The following OSBPL5 variants were observed in gnomAD, a reference collection of about 807,000 sequenced individuals.
OSBPL5 encodes the protein oxysterol-binding protein-related protein 5.
Under a neutral mutation model 111.2 loss-of-function variants are expected in OSBPL5, and 71 were observed. That is an observed-to-expected ratio of 0.64 (90% CI 0.53 to 0.78). OSBPL5 has a LOEUF of 0.78. Ranked by LOEUF, OSBPL5 falls within the 30% of genes least tolerant of loss-of-function variation. The probability of loss-of-function intolerance (pLI) is 0.00; values close to 1 mark genes in which losing one functional copy is unlikely to be tolerated. For synonymous variants in OSBPL5, 549 were observed against 513.9 expected (o/e 1.07, Z -0.93); for missense variants, 1,210 against 1,189.3 (o/e 1.02, Z -0.26).
At chr11:3,136,578 G>A (rs1364353806) in intron 1 of OSBPL5, among the ~76,000 whole-genome samples, 1 of 152,260 alleles carries the variant, frequency 6.6e-6, no homozygotes, top group African/African-American at 2.4e-5. Flanking sequence ...CATGACTCCA[G>A]TGGTTGTGTG....
chr11:3,102,427 A>T (rs1436159409), intron 11 of OSBPL5, 146 bp from the exon 12 acceptor site: 7 of 701,468 alleles, frequency 1.0e-5, no homozygotes, highest in Non-Finnish European at 1.8e-5. Flanking sequence ...TGGGAACAAC[A>T]CCTCACTTCT....
intron 1 of OSBPL5, among the ~76,000 whole-genome samples, chr11:3,134,518 C>G (rs1845898200): frequency 6.6e-6 from 1 of 152,244 alleles, no homozygotes; most frequent in South Asian, 2.1e-4. Context: ...CCCCCAGCCC[C>G]TCCTCCTGCT....
intron 1 of OSBPL5, among the ~76,000 whole-genome samples, chr11:3,147,576 C>T (rs1027580728): frequency 6.6e-6 from 1 of 152,258 alleles, no homozygotes; most frequent in East Asian, 1.9e-4. Flanking sequence ...CGTTTGTGAA[C>T]TCGAATCGAG....
intron 7 of OSBPL5, among the ~76,000 whole-genome samples, chr11:3,111,222 A>G (rs1037548370): frequency 1.5e-5 from 2 of 130,576 alleles, no homozygotes; most frequent in Admixed American, 9.5e-5. Flanking sequence ...ATTTTGTTTT[A>G]CAACTTCTCT....
Position 3,103,802 on chromosome 11 carries a change from AGCCCTC to A in OSBPL5, c.1244+385_1244+390del, listed in dbSNP as rs1857573312. Reference sequence around the variant, plus strand: ...CTCTGCAGTCCCTTCCTGCCTCTGCAGCCCTCTTCCTGCCTGCGCAGCCCCCTTCCA... The same window carrying A: ...CTCTGCAGTCCCTTCCTGCCTCTGCATTCCTGCCTGCGCAGCCCCCTTCCA... On this transcript the variant is annotated intron_variant, in intron 10 of 21. Coordinates refer to ENST00000263650, the MANE Select transcript of OSBPL5 (RefSeq NM_020896.4). Among the ~76,000 whole-genome samples, 3 of 40,710 alleles carry A rather than the reference AGCCCTC, an allele frequency of 7.4e-5. 1 individual carries two copies. Among genetic ancestry groups the A allele is most frequent in the Non-Finnish European group, 1.3e-4 (2 of 15,238 alleles). The allele number at this position is 40,710 out of a possible 152,430, so 26.7% of individuals were successfully genotyped here. A position where few individuals can be genotyped will look rare whatever the true frequency, so the allele number is the denominator to read the frequency against.
intron 1 of OSBPL5, among the ~76,000 whole-genome samples, chr11:3,149,098 C>A (rs550113092): frequency 6.6e-6 from 1 of 152,348 alleles, no homozygotes; most frequent in African/African-American, 2.4e-5. Flanking sequence ...GCCAAAGCCA[C>A]CTCCAGGCCA....
At chr11:3,153,052 G>C (rs1846640896) in intron 1 of OSBPL5, among the ~76,000 whole-genome samples, 1 of 152,050 alleles carries the variant, frequency 6.6e-6, no homozygotes. Context: ...AGTACAGGGA[G>C]AAACAGCCCA....
Position 3,093,782 on chromosome 11 carries a change from C to G in OSBPL5, c.1773G>C (p.Ser591=). ...TGAGGCTCGCCAGGACTTCCTCTCC[C>G]GACGTGATCTTTCCCGAGATCTGGT... The part of the protein sequence containing the change: ...SINQISGKIT[S]GEEVLASLSG... Residue 591 remains serine, a synonymous_variant, in exon 16 of 22, where the codon TCG becomes TCC. Coordinates refer to ENST00000263650, the MANE Select transcript of OSBPL5 (RefSeq NM_020896.4). The G allele has an allele frequency of 6.2e-7, 1 of 1,613,228 alleles. No homozygotes were observed. Among genetic ancestry groups the G allele is most frequent in the Non-Finnish European group, 8.5e-7 (1 of 1,180,012 alleles).
intron 7 of OSBPL5, among the ~76,000 whole-genome samples, chr11:3,114,759 TG>T (rs1858152152): frequency 6.6e-6 from 1 of 151,632 alleles, no homozygotes; most frequent in Non-Finnish European, 1.5e-5. Flanking sequence ...CCACCACGCC[TG>T]GCTAATTTTT....
rs1170453586 is a variant in OSBPL5, at chr11:3,111,972, T to TGC, written c.692-4028_692-4027insGC. On this transcript the variant is annotated intron_variant, in intron 7 of 21. Transcript: ENST00000263650. ...TCCAAGCTGTGTGTGTGTGTGTGCA[T>TGC]ATGTGTGCGCGCATGTGTGTGCATG... 9.5e-4 allele frequency among the ~76,000 whole-genome samples: 114 copies of TGC among 119,490 alleles called. 1 individual carries two copies. Among genetic ancestry groups the TGC allele is most frequent in the African/African-American group, 3.0e-3 (105 of 34,450 alleles). 78.4% of individuals were successfully genotyped at this position (119,490 alleles called of 152,430 possible).
Position 3,121,968 on chromosome 11 carries a change from T to C in OSBPL5, c.402+29A>G, listed in dbSNP as rs762934169. The C allele has an allele frequency of 3.3e-6, 5 of 1,534,300 alleles. No individual in the cohort carries two copies. The Admixed American group carries it at 5.8e-5, about 18-fold the overall frequency. On this transcript the variant is annotated intron_variant, in intron 5 of 21. Coordinates refer to ENST00000263650, the MANE Select transcript of OSBPL5 (RefSeq NM_020896.4). The surrounding 1 kb of genome is among the most constrained non-coding windows in gnomAD (Gnocchi z 4.3). ...GGCAGCAGCACGCTGACCCGTGTCC[T>C]GGGTGGCCGGAGGCCGGGCATCACC...
At position 3,100,214 on chromosome 11, in the gene OSBPL5, G is replaced by A. The variant is rs1328486573; in HGVS notation, c.1565C>T (p.Thr522Ile). Reference protein sequence around the residue: ...SALLDGKATLTFLNRAEDYTL... With the variant: ...SALLDGKATLIFLNRAEDYTL... ...GTAATCCTCGGCTCGGTTCAGGAAGGTGAGCGTGGCTTTGCCGTCCAGCAG... is the reference window on the plus strand; with the variant it reads ...GTAATCCTCGGCTCGGTTCAGGAAGATGAGCGTGGCTTTGCCGTCCAGCAG... Residue 522 changes from threonine to isoleucine, a missense_variant, in exon 14 of 22, where the codon ACC (threonine) becomes ATC (isoleucine). Physicochemically the swap from Thr to Ile is moderately conservative, Grantham distance 89 (BLOSUM62 -1). Transcript: ENST00000263650. The A allele has an allele frequency of 2.5e-6, 4 of 1,614,160 alleles. No individual in the cohort carries two copies. The Admixed American group carries it at 5.0e-5, about 20-fold the overall frequency.
intron 6 of OSBPL5, 58 bp from the exon 7 acceptor site, chr11:3,119,689 A>G: frequency 1.3e-6 from 2 of 1,518,248 alleles, no homozygotes; most frequent in Non-Finnish European, 1.8e-6. Flanking sequence ...AGCTGCACAG[A>G]TAGGTCAGGC....
At chr11:3,096,108 G>A (rs1487701217) in intron 14 of OSBPL5, among the ~76,000 whole-genome samples, 2 of 152,192 alleles carry the variant, frequency 1.3e-5, no homozygotes, top group Non-Finnish European at 2.9e-5. Flanking sequence ...GGAAAAACAG[G>A]AGGGAGGGAC....
intron 1 of OSBPL5, chr11:3,160,987 CA>C (rs1846949927): frequency 6.6e-6 from 1 of 152,152 alleles, no homozygotes; most frequent in African/African-American, 2.4e-5. Flanking sequence ...TCTGCTCTGC[CA>C]GGTACGGCAG....
At position 3,119,614 on chromosome 11, in the gene OSBPL5, G is replaced by T; in HGVS notation, c.624C>A (p.Ser208Arg). ...GCAGGGGCTGTGTGATGGAGCCCAC[G>T]CTCTCACCTTTGGGGCCCTGGAGAG... ...VWAVKGPKGE[S>R]VGSITQPLPS... Residue 208 changes from serine to arginine, a missense_variant, in exon 7 of 22, where the codon AGC (serine) becomes AGA (arginine). Coordinates refer to ENST00000263650, the MANE Select transcript of OSBPL5 (RefSeq NM_020896.4). The T allele has an allele frequency of 6.3e-7, 1 of 1,576,028 alleles. No homozygotes were observed. The highest frequency in any genetic ancestry group is 1.9e-5 in the Admixed American group (1 of 52,000).
intron 1 of OSBPL5, among the ~76,000 whole-genome samples, chr11:3,149,123 C>T (rs1043126058): frequency 3.9e-5 from 6 of 152,244 alleles, no homozygotes; most frequent in African/African-American, 1.4e-4. Flanking sequence ...AGCCCTGTGT[C>T]TTAGCAATAG....
At chr11:3,133,885 G>A (rs1188552031) in intron 1 of OSBPL5, among the ~76,000 whole-genome samples, 1 of 152,130 alleles carries the variant, frequency 6.6e-6, no homozygotes. Flanking sequence ...TGGGGCCCCA[G>A]CCCCGAGACC....
At position 3,106,236 on chromosome 11, in the gene OSBPL5, C is replaced by T. The variant is rs566286117; in HGVS notation, c.1059+1027G>A. ...CTCTGTCCCTGTGCAGAGCAAGATG[C>T]GAACACGACGCTGTCCAAACAACAG... On this transcript the variant is annotated intron_variant, in intron 9 of 21. Transcript: ENST00000263650. The surrounding 1 kb of genome is among the most constrained non-coding windows in gnomAD (Gnocchi z 8.4). Among the ~76,000 whole-genome samples the T allele has an allele frequency of 1.8e-4, 27 of 152,264 alleles. 1 individual carries two copies. In the South Asian group the frequency reaches 3.7e-3, roughly 21 times the overall value.
Sources: gnomAD v4.1 joint callset for allele counts (sites outside exome capture counted in the v4.1 genomes callset) on GRCh38, gnomAD v4.1.1 for gene constraint, Gnocchi (gnomAD v3.1) non-coding constraint, MANE v1.5 for transcripts, NCBI Gene and HGNC (gene_info 2026-07-23, HGNC 2026-07-21) for gene names.